SYMPK: variants seen among roughly 807,000 people sequenced by gnomAD.
SYMPK encodes symplekin scaffold protein, also known as symplekin.
SYMPK carries 49 observed loss-of-function variants against 136.4 expected under a neutral mutation model. The ratio of observed to expected loss-of-function variants is 0.36; its 90% CI spans 0.29 to 0.46. SYMPK has a LOEUF of 0.46. Among genes scored for constraint, SYMPK ranks in the 20% least tolerant of loss-of-function variants. The pLI, the probability that SYMPK is intolerant of heterozygous loss-of-function variation, is 1.00. For missense variants in SYMPK, 1,365 were observed against 1,690.0 expected (o/e 0.81, Z 3.37); for synonymous variants, 766 against 713.0 (o/e 1.07, Z -1.19).
intron 11 of SYMPK, among the ~76,000 whole-genome samples, chr19:45,833,828 C>T (rs957866802): frequency 6.6e-6 from 1 of 152,134 alleles, no homozygotes; most frequent in African/African-American, 2.4e-5. Context: ...AGATGGCAGT[C>T]AAAACATCAT....
chr19:45,829,312 A>C (rs1971117391), intron 13 of SYMPK, 107 bp from the exon 14 acceptor site: 1 of 1,011,170 alleles, frequency 9.9e-7, no homozygotes, highest in Non-Finnish European at 1.5e-6. Flanking sequence ...CTCAGAGCAG[A>C]CAAGGAGTGA....
chr19:45,856,506 C>A (rs1421703434), intron 1 of SYMPK, among the ~76,000 whole-genome samples: 1 of 152,126 alleles, frequency 6.6e-6, no homozygotes, highest in African/African-American at 2.4e-5. Flanking sequence ...TCTCAGTTTC[C>A]TCTTCTAGGA....
intron 7 of SYMPK, among the ~76,000 whole-genome samples, chr19:45,847,219 C>T (rs1971583743): frequency 6.6e-6 from 1 of 152,002 alleles, no homozygotes; most frequent in African/African-American, 2.4e-5. Context: ...GAGTTCGATA[C>T]CAGCTTGGCC....
chr19:45,834,424 A>C (rs1600509366), intron 11 of SYMPK, among the ~76,000 whole-genome samples: 1 of 151,566 alleles, frequency 6.6e-6, no homozygotes, highest in Non-Finnish European at 1.5e-5. Context: ...GCACCACTGC[A>C]CTCCAGCCTG....
At chr19:45,851,300 G>A (rs7249022) in intron 5 of SYMPK, among the ~76,000 whole-genome samples, 15,048 of 152,178 alleles carry the variant, frequency 0.099, 754 homozygotes, top group African/African-American at 0.1. Context: ...TTTTTGCTGG[G>A]CGTCGTGGCT....
chr19:45,818,379 G>T (rs1020877823), intron 22 of SYMPK, among the ~76,000 whole-genome samples: 1 of 152,202 alleles, frequency 6.6e-6, no homozygotes, highest in Non-Finnish European at 1.5e-5. Flanking sequence ...ACTCCAGGAA[G>T]CCCCAAAATG....
At chr19:45,848,031 G>C (rs1971610198) in intron 6 of SYMPK, 30 bp from the exon 7 acceptor site, 1 of 1,549,578 alleles carries the variant, frequency 6.5e-7, no homozygotes, top group East Asian at 2.3e-5. Context: ...GAATGGAAGA[G>C]ACACACAAAG....
Position 45,842,457 on chromosome 19 carries a change from C to T in SYMPK, c.880G>A (p.Val294Met). The T allele has an allele frequency of 6.2e-7, 1 of 1,613,834 alleles. No homozygotes were observed. Among genetic ancestry groups the T allele is most frequent in the Non-Finnish European group, 8.5e-7 (1 of 1,179,844 alleles). ...TTCAGATTCTTACGCACACTGCTCACCTGCGATTTGGCCAGCGTCGGGGGC... is the reference window on the plus strand; with the variant it reads ...TTCAGATTCTTACGCACACTGCTCATCTGCGATTTGGCCAGCGTCGGGGGC... ...NLPPTLAKSQ[V>M]SSVRKNLKLH... Residue 294 changes from valine (V) to methionine (M), a missense_variant, in exon 9 of 27, where the codon GTG becomes ATG. By Grantham distance (21) the Val-to-Met change is conservative (BLOSUM62 1). Transcript: ENST00000245934.
At chr19:45,846,526 G>A (rs1971564932) in intron 7 of SYMPK, among the ~76,000 whole-genome samples, 1 of 152,202 alleles carries the variant, frequency 6.6e-6, no homozygotes, top group African/African-American at 2.4e-5. Flanking sequence ...ATCAGGCTCA[G>A]AGACAAGGGA....
At chr19:45,858,282 A>G (rs970935820) in intron 1 of SYMPK, among the ~76,000 whole-genome samples, 30 of 152,234 alleles carry the variant, frequency 2.0e-4, no homozygotes, top group Non-Finnish European at 3.8e-4. Context: ...ATTTTATGGC[A>G]TCTGGCCTGT....
intron 8 of SYMPK, among the ~76,000 whole-genome samples, chr19:45,843,631 C>T (rs959935210): frequency 4.6e-5 from 7 of 152,080 alleles, no homozygotes; most frequent in South Asian, 2.1e-4. Context: ...GGGTCCACCA[C>T]GGAGCTACAT....
At chr19:45,830,407 G>A (rs957506234) in intron 12 of SYMPK, 2 of 595,482 alleles carry the variant, frequency 3.4e-6, no homozygotes, top group East Asian at 2.9e-5. Flanking sequence ...GTTTTGCAGA[G>A]GGCGTCTTAC....
rs781355229 is a variant in SYMPK, at chr19:45,842,337, C to T, written c.1000G>A (p.Glu334Lys). 1 of 1,614,178 alleles carries T rather than the reference C, an allele frequency of 6.2e-7. No homozygotes were observed. Among genetic ancestry groups the T allele is most frequent in the Non-Finnish European group, 8.5e-7 (1 of 1,180,028 alleles). The change falls in exon 9 of 27, where the codon GAG becomes AAG. Residue 334 changes from glutamate (E) to lysine (K), a missense_variant. Physicochemically the swap from Glu to Lys is moderately conservative, Grantham distance 56 (BLOSUM62 1). This residue lies in a region of SYMPK where 111 missense variants were observed against 141.2 expected (regional missense o/e 0.79). Transcript: ENST00000245934. ...CTGCTCGGCATGTTGCGGGCGATCT[C>T]GGCCTGAGGTGTGCCCAGGTCCACC... ...LLVDLGTPQA[E>K]IARNMPSSKD...
intron 21 of SYMPK, 83 bp downstream of exon 21, chr19:45,822,673 G>T (rs892342001): frequency 1.7e-6 from 2 of 1,176,894 alleles, no homozygotes; most frequent in Non-Finnish European, 2.5e-6. Context: ...CTCTCTCCCT[G>T]AGGGGGGTGC....
In SYMPK at chr19:45,818,117, C is replaced by G; in HGVS notation, c.2923G>C (p.Val975Leu). The change falls in exon 23 of 27, where the codon GTG (valine) becomes CTG (leucine). Residue 975 changes from valine (V) to leucine (L), a missense_variant. This residue lies in a region of SYMPK where 156 missense variants were observed against 217.8 expected (regional missense o/e 0.72). Coordinates refer to ENST00000245934, the MANE Select transcript of SYMPK (RefSeq NM_004819.3). Reference protein sequence around the residue: ...ATNLCFAERNVYTSEVLAVVM... With the variant: ...ATNLCFAERNLYTSEVLAVVM... ...ACGGCCAGCACCTCTGACGTGTACA[C>G]GTTCCGCTCCGCAAAGCACAGGTTG... 1 of 1,553,130 alleles carries G rather than the reference C, an allele frequency of 6.4e-7. No individual in the cohort carries two copies. Among genetic ancestry groups the G allele is most frequent in the South Asian group, 1.2e-5 (1 of 84,074 alleles).
Position 45,863,112 on chromosome 19 carries a change from C to T in SYMPK, c.-67G>A. On this transcript the variant is annotated 5_prime_UTR_variant, in exon 1 of 27. In the 5' UTR this introduces an upstream ATG that the reference lacks. Coordinates refer to ENST00000245934, the MANE Select transcript of SYMPK (RefSeq NM_004819.3). The stretch of plus-strand genomic sequence containing the variant: ...CCCCTCAGCAGTGCCTCTTCCTACA[C>T]TCCGCCGCCGCCGCCGCCGCCATCT... 1 of 403,266 alleles carries T rather than the reference C, an allele frequency of 2.5e-6. No individual in the cohort carries two copies. The highest frequency in any genetic ancestry group is 4.4e-6 in the Non-Finnish European group (1 of 228,974). 25.0% of individuals were successfully genotyped at this position (403,266 alleles called of 1,614,324 possible).
chr19:45,821,332 T>C lies in SYMPK; in HGVS notation c.2893+52A>G, dbSNP rs757438932. The C allele has an allele frequency of 2.2e-6, 3 of 1,390,566 alleles. No homozygotes were observed. In the East Asian group the frequency reaches 6.8e-5, roughly 32 times the overall value. The allele number at this position is 1,390,566 out of a possible 1,614,324, so 86.1% of individuals were successfully genotyped here. The stretch of plus-strand genomic sequence containing the variant: ...GGGGGCATGTGGGTGACTGAGGTCC[T>C]GCCCTGGCGTCGCAGGGGCCAGGCC... On this transcript the variant is annotated intron_variant, in intron 22 of 26. Coordinates refer to ENST00000245934, the MANE Select transcript of SYMPK (RefSeq NM_004819.3). This position sits in a 1 kb window ranked among gnomAD's most constrained non-coding sequence, Gnocchi z 4.4.
At position 45,847,933 on chromosome 19, in the gene SYMPK, C is replaced by T. The variant is rs759624708; in HGVS notation, c.495G>A (p.Ala165=). Residue 165 remains alanine, a synonymous_variant, in exon 7 of 27, where the codon GCG becomes GCA. Transcript: ENST00000245934. ...AGTCCAATAGCAGGATGATGTCCCCCGCCATGGCAGATACCATGTCCCAGC... is the reference window on the plus strand; with the variant it reads ...AGTCCAATAGCAGGATGATGTCCCCTGCCATGGCAGATACCATGTCCCAGC... ...EACWDMVSAM[A]GDIILLLDSD... 35 of 1,611,948 alleles carry T rather than the reference C, an allele frequency of 2.2e-5. No individual in the cohort carries two copies. In the South Asian group the frequency reaches 2.5e-4, roughly 12 times the overall value.
rs1345083549 is a variant in SYMPK at position 45,818,165 on chromosome 19, T to C, written c.2894-19A>G. 1.3e-6 allele frequency: 2 copies of C among 1,527,350 alleles called. No individual in the cohort carries two copies. Among genetic ancestry groups the C allele is most frequent in the Non-Finnish European group, 1.8e-6 (2 of 1,131,992 alleles). The allele number at this position is 1,527,350 out of a possible 1,614,324, so 94.6% of individuals were successfully genotyped here. On this transcript the variant is annotated intron_variant, in intron 22 of 26. Transcript: ENST00000245934. The stretch of plus-strand genomic sequence containing the variant: ...TTGGTGGCTGCGAGGAGGCGGAGAG[T>C]GGGCCTGTCCTCTCTGCCCAGCTGC...
Sources: allele counts gnomAD v4.1 joint callset (sites outside exome capture counted in the v4.1 genomes callset), GRCh38; gene constraint gnomAD v4.1.1; regional missense constraint gnomAD v4.1.1; non-coding constraint Gnocchi (gnomAD v3.1); transcripts MANE v1.5; gene names NCBI Gene and HGNC (gene_info 2026-07-23, HGNC 2026-07-21).